Variants in FGF14 observed in about 807,000 individuals in gnomAD.
The protein encoded by FGF14 is fibroblast growth factor homologous factor 4.
In FGF14, 5 loss-of-function variants were observed where a neutral mutation model predicts 25.5. The ratio of observed to expected loss-of-function variants is 0.20; its 90% CI spans 0.10 to 0.41. The LOEUF (loss-of-function observed/expected upper bound fraction) is 0.41. FGF14 is among the 10% of genes least tolerant of loss of function. FGF14 has a pLI of 1.00. For synonymous variants in FGF14, 138 were observed against 118.3 expected (o/e 1.17, Z -1.08); for missense variants, 222 against 320.1 (o/e 0.69, Z 2.34).
chr13:101,796,324 C>G (rs1477673717), intron 3 of FGF14, among the ~76,000 whole-genome samples: 1 of 152,044 alleles, frequency 6.6e-6, no homozygotes, highest in Non-Finnish European at 1.5e-5. Context: ...TCTCTCCACT[C>G]TGATCCTGCC....
chr13:101,796,858 T>C (rs561294534), intron 3 of FGF14, among the ~76,000 whole-genome samples: 1 of 152,230 alleles, frequency 6.6e-6, no homozygotes, highest in African/African-American at 2.4e-5. Context: ...AAAAATATCC[T>C]GATTGCTGTC....
intron 1 of FGF14, among the ~76,000 whole-genome samples, chr13:102,306,175 T>C (rs562337914): frequency 6.6e-6 from 1 of 152,308 alleles, no homozygotes; most frequent in South Asian, 2.1e-4. Context: ...TTTTGGCCAA[T>C]AGATCACTAC....
At chr13:102,106,484 G>C (rs2044921229) in intron 1 of FGF14, among the ~76,000 whole-genome samples, 1 of 149,176 alleles carries the variant, frequency 6.7e-6, no homozygotes, top group East Asian at 2.1e-4. Context: ...TGAGGCAGGA[G>C]AATTGCTTGA....
chr13:102,401,572 G>A (rs778691402), exon 1 of FGF14: 1 of 1,614,110 alleles, frequency 6.2e-7, no homozygotes. Context: ...TGATTTGGGC[G>A]AAAAGCAATC....
intron 1 of FGF14, among the ~76,000 whole-genome samples, chr13:102,129,804 T>G (rs139506629): frequency 4.9e-4 from 74 of 152,214 alleles, no homozygotes; most frequent in African/African-American, 1.4e-3. Context: ...ACCTGCACAT[T>G]GTACACATGT....
intron 1 of FGF14, among the ~76,000 whole-genome samples, chr13:101,910,964 C>T (rs1351240337): frequency 6.6e-6 from 1 of 151,084 alleles, no homozygotes; most frequent in African/African-American, 2.4e-5. Context: ...TATCATAGTC[C>T]TCTTTGGCTA....
intron 1 of FGF14, among the ~76,000 whole-genome samples, chr13:102,098,348 G>C (rs1455163910): frequency 6.6e-6 from 1 of 152,184 alleles, no homozygotes; most frequent in Non-Finnish European, 1.5e-5. Flanking sequence ...GTAATACCTA[G>C]ACGATCTCTT....
At chr13:102,389,388 A>C (rs2058379977) in intron 1 of FGF14, among the ~76,000 whole-genome samples, 1 of 152,212 alleles carries the variant, frequency 6.6e-6, no homozygotes, top group Admixed American at 6.5e-5. Context: ...TATTTTTCTA[A>C]AGAGTAAATA....
chr13:102,162,088 C>T (rs1290434251), intron 1 of FGF14, among the ~76,000 whole-genome samples: 3 of 151,984 alleles, frequency 2.0e-5, no homozygotes, highest in African/African-American at 7.3e-5. Context: ...GGAGTTATCT[C>T]CTGTTTTTTA....
intron 1 of FGF14, among the ~76,000 whole-genome samples, chr13:101,937,061 C>T (rs1407994791): frequency 6.6e-6 from 1 of 152,272 alleles, no homozygotes; most frequent in Non-Finnish European, 1.5e-5. Context: ...AAAAGGATGG[C>T]GCTTTAATTT....
intron 3 of FGF14, among the ~76,000 whole-genome samples, chr13:101,785,627 T>C (rs938116438): frequency 1.3e-5 from 2 of 152,100 alleles, no homozygotes; most frequent in East Asian, 3.9e-4. Flanking sequence ...ATCTATTAAC[T>C]ATTATCAATA....
At chr13:102,352,995 T>C (rs891851847) in intron 1 of FGF14, among the ~76,000 whole-genome samples, 1 of 152,146 alleles carries the variant, frequency 6.6e-6, no homozygotes, top group African/African-American at 2.4e-5. Flanking sequence ...AGAGTTTAGA[T>C]TTACTTTCAT....
In FGF14 at chr13:101,887,795, C is replaced by A. The variant is rs538026143; in HGVS notation, c.194-12499G>T. 5.9e-5 allele frequency among the ~76,000 whole-genome samples: 9 copies of A among 152,168 alleles called. No homozygotes were observed. In the South Asian group the frequency reaches 1.9e-3, roughly 32 times the overall value. ...TTGAGGCAATGGATATCCTAGTTAC[C>A]CTGATTTGATCATTACACATTGTAG... On this transcript the variant is annotated intron_variant, in intron 1 of 4. Transcript: ENST00000376143.
intron 1 of FGF14, among the ~76,000 whole-genome samples, chr13:102,033,754 A>C (rs1163189504): frequency 2.6e-5 from 4 of 152,134 alleles, no homozygotes; most frequent in Admixed American, 1.3e-4. Flanking sequence ...CATTTATATC[A>C]ATTTTAAAGA....
At chr13:102,246,030 CTAAAACAGA>C (rs2051848716) in intron 1 of FGF14, among the ~76,000 whole-genome samples, 1 of 151,938 alleles carries the variant, frequency 6.6e-6, no homozygotes, top group Non-Finnish European at 1.5e-5. Flanking sequence ...TCCTTTCTTT[CTAAAACAGA>C]TTATGTGATA....
intron 3 of FGF14, among the ~76,000 whole-genome samples, chr13:101,799,064 T>C (rs1315393505): frequency 6.6e-6 from 1 of 152,132 alleles, no homozygotes; most frequent in African/African-American, 2.4e-5. Context: ...AAAATAACTA[T>C]TTGCTGCATA....
At chr13:102,354,569 G>A (rs1176577279) in intron 1 of FGF14, among the ~76,000 whole-genome samples, 1 of 151,976 alleles carries the variant, frequency 6.6e-6, no homozygotes, top group Non-Finnish European at 1.5e-5. Flanking sequence ...AAACCAAGCT[G>A]TACCCCAGCC....
intron 1 of FGF14, among the ~76,000 whole-genome samples, chr13:102,068,060 A>T (rs892727615): frequency 6.6e-6 from 1 of 152,218 alleles, no homozygotes; most frequent in African/African-American, 2.4e-5. Context: ...TATCTAGAGA[A>T]AATATCCTCT....
At chr13:102,366,382 C>T (rs1372200626) in intron 1 of FGF14, 1 of 152,080 alleles carries the variant, frequency 6.6e-6, no homozygotes, top group African/African-American at 2.4e-5. Context: ...TTATAATATT[C>T]CTTAAAACCA....
Sources: allele counts gnomAD v4.1 joint callset (sites outside exome capture counted in the v4.1 genomes callset), GRCh38; gene constraint gnomAD v4.1.1; transcripts MANE v1.5; gene names NCBI Gene and HGNC (gene_info 2026-07-23, HGNC 2026-07-21).